Variants in MICU1 observed in about 807,000 individuals in gnomAD.
MICU1 encodes mitochondrial calcium uptake 1, also known as calcium uptake protein 1, mitochondrial.
A neutral mutation model predicts 56.8 loss-of-function variants in MICU1; 45 were observed. The ratio of observed to expected loss-of-function variants is 0.79; its 90% CI spans 0.62 to 1.02. The LOEUF (loss-of-function observed/expected upper bound fraction) is 1.02. MICU1 is among the 50% of genes least tolerant of loss of function. The pLI, the probability that MICU1 is intolerant of heterozygous loss-of-function variation, is 0.00. For synonymous variants in MICU1, 186 were observed against 195.1 expected (o/e 0.95, Z 0.39); for missense variants, 504 against 587.1 (o/e 0.86, Z 1.46).
chr10:72,558,433 T>A (rs897357010), intron 3 of MICU1, among the ~76,000 whole-genome samples: 1 of 152,086 alleles, frequency 6.6e-6, no homozygotes, highest in Non-Finnish European at 1.5e-5. Flanking sequence ...TCATAGTATA[T>A]GGGATATGAA....
At chr10:72,591,343 A>C (rs1841219025) in intron 1 of MICU1, among the ~76,000 whole-genome samples, 1 of 152,184 alleles carries the variant, frequency 6.6e-6, no homozygotes, top group South Asian at 2.1e-4. Flanking sequence ...AACAAACTAA[A>C]TCTAAAGTTA....
chr10:72,494,098 G>A (rs1866756124), intron 6 of MICU1, among the ~76,000 whole-genome samples: 2 of 152,154 alleles, frequency 1.3e-5, no homozygotes, highest in Non-Finnish European at 2.9e-5. Context: ...ACCTCTGGGA[G>A]TGGTCTAAGC....
chr10:72,502,270 T>C (rs1044271793), intron 6 of MICU1, among the ~76,000 whole-genome samples: 7 of 150,896 alleles, frequency 4.6e-5, no homozygotes, highest in African/African-American at 1.7e-4. Context: ...TTTTCCTGCC[T>C]CAGCCTCCTG....
rs1385380596 is a variant in MICU1 at position 72,600,446 on chromosome 10, C to T, written c.-2+25564G>A. ...AGTGGATCACCTGAGGTTGGGAGTTCGAGACCAGCCTGGCCAACATGATGA... is the reference window on the plus strand; with the variant it reads ...AGTGGATCACCTGAGGTTGGGAGTTTGAGACCAGCCTGGCCAACATGATGA... On this transcript the variant is annotated intron_variant, in intron 1 of 11. Coordinates refer to ENST00000361114, the MANE Select transcript of MICU1 (RefSeq NM_001195518.2). Among the ~76,000 whole-genome samples, 6 of 151,862 alleles carry T rather than the reference C, an allele frequency of 4.0e-5. No homozygotes were observed. In the East Asian group the frequency reaches 1.2e-3, roughly 29 times the overall value.
intron 11 of MICU1, among the ~76,000 whole-genome samples, chr10:72,373,679 AG>A (rs1289786522): frequency 1.3e-5 from 2 of 152,194 alleles, no homozygotes; most frequent in Non-Finnish European, 2.9e-5. Context: ...TCTAGGGAAA[AG>A]GGGGGACTTG....
At chr10:72,510,608 T>G (rs2132352907) in intron 5 of MICU1, among the ~76,000 whole-genome samples, 1 of 152,230 alleles carries the variant, frequency 6.6e-6, no homozygotes, top group South Asian at 2.1e-4. Flanking sequence ...ACCAGGAAAT[T>G]TAGTATTGAT....
In MICU1 at chr10:72,460,784, C is replaced by G. The variant is rs371945648; in HGVS notation, c.933+14316G>C. On this transcript the variant is annotated intron_variant, in intron 8 of 11. Coordinates refer to ENST00000361114, the MANE Select transcript of MICU1 (RefSeq NM_001195518.2). ...CTATTTTTTTTTAAATATTTTTCTT[C>G]TAAGAAAGAAAAAAAATTACATTTA... 7.3e-5 allele frequency among the ~76,000 whole-genome samples: 11 copies of G among 151,394 alleles called. 1 individual carries two copies. In the East Asian group the frequency reaches 1.2e-3, roughly 16 times the overall value.
Position 72,573,030 on chromosome 10 carries a change from T to C in MICU1, c.-1-6236A>G, listed in dbSNP as rs561057452. On this transcript the variant is annotated intron_variant, in intron 1 of 11. Coordinates refer to ENST00000361114, the MANE Select transcript of MICU1 (RefSeq NM_001195518.2). The stretch of plus-strand genomic sequence containing the variant: ...ATAATTATTATATCATAGTTTATAA[T>C]AGCAAAACACTAAGAACTACCCCAA... Among the ~76,000 whole-genome samples, 11 of 152,178 alleles carry C rather than the reference T, an allele frequency of 7.2e-5. No homozygotes were observed. In the East Asian group the frequency reaches 1.9e-3, roughly 27 times the overall value.
At chr10:72,571,476 A>G (rs1425541645) in intron 1 of MICU1, among the ~76,000 whole-genome samples, 3 of 152,216 alleles carry the variant, frequency 2.0e-5, no homozygotes, top group Admixed American at 6.5e-5. Context: ...GTAAGCCACA[A>G]TCACTTGAGA....
chr10:72,376,892 A>T (rs947394353), intron 10 of MICU1, among the ~76,000 whole-genome samples: 11 of 151,140 alleles, frequency 7.3e-5, no homozygotes, highest in Non-Finnish European at 1.5e-4. Context: ...ATATTTATAT[A>T]TATATTTATA....
chr10:72,446,676 G>C (rs1354323272), intron 8 of MICU1, among the ~76,000 whole-genome samples: 8 of 151,750 alleles, frequency 5.3e-5, no homozygotes, highest in Non-Finnish European at 8.8e-5. Context: ...TTAGTGTAGA[G>C]CATTTTTGTC....
At chr10:72,573,335 A>C (rs1840662360) in intron 1 of MICU1, among the ~76,000 whole-genome samples, 1 of 147,984 alleles carries the variant, frequency 6.8e-6, no homozygotes, top group Admixed American at 6.8e-5. Context: ...AAAAAAAAAA[A>C]CTAAGGCAAC....
At chr10:72,611,226 C>T (rs1040235351) in intron 1 of MICU1, among the ~76,000 whole-genome samples, 85 of 151,808 alleles carry the variant, frequency 5.6e-4, no homozygotes, top group African/African-American at 2.0e-3. Context: ...TGGCGGGAAC[C>T]CGAGAGGCGG....
chr10:72,615,431 G>T (rs1841952767), intron 1 of MICU1, among the ~76,000 whole-genome samples: 1 of 152,078 alleles, frequency 6.6e-6, no homozygotes, highest in Admixed American at 6.6e-5. Context: ...CTGTGCTGTG[G>T]TATTAAATCT....
intron 8 of MICU1, among the ~76,000 whole-genome samples, chr10:72,453,382 CAG>C (rs1234860429): frequency 3.9e-5 from 6 of 152,088 alleles, no homozygotes; most frequent in African/African-American, 1.4e-4. Context: ...ATTATACTAG[CAG>C]AGTTTTAATT....
At chr10:72,543,168 T>C (rs2132428248) in intron 4 of MICU1, among the ~76,000 whole-genome samples, 1 of 152,278 alleles carries the variant, frequency 6.6e-6, no homozygotes, top group East Asian at 1.9e-4. Flanking sequence ...GGCTTGAAGG[T>C]GGGGTTTTGT....
chr10:72,429,263 T>C (rs1404382758), intron 8 of MICU1, among the ~76,000 whole-genome samples: 1 of 151,272 alleles, frequency 6.6e-6, no homozygotes, highest in Non-Finnish European at 1.5e-5. Flanking sequence ...CTACTGAAAA[T>C]ATAAAAATTA....
At chr10:72,457,166 T>A (rs929150095) in intron 8 of MICU1, among the ~76,000 whole-genome samples, 1 of 151,726 alleles carries the variant, frequency 6.6e-6, no homozygotes, top group Non-Finnish European at 1.5e-5. Context: ...AATACAGTTG[T>A]AGAGCTCTAA....
At chr10:72,471,583 T>C (rs1865952595) in intron 8 of MICU1, among the ~76,000 whole-genome samples, 1 of 110,660 alleles carries the variant, frequency 9.0e-6, no homozygotes, top group Admixed American at 8.6e-5. Flanking sequence ...TTGTTTTTAT[T>C]GTTTTTTTTA....
Sources: allele counts gnomAD v4.1 joint callset (sites outside exome capture counted in the v4.1 genomes callset), GRCh38; gene constraint gnomAD v4.1.1; transcripts MANE v1.5; gene names NCBI Gene and HGNC (gene_info 2026-07-23, HGNC 2026-07-21).